The following KIAA1958 variants were observed in gnomAD, a reference collection of about 807,000 sequenced individuals.
The protein encoded by KIAA1958 is KIAA1958.
In KIAA1958, 14 loss-of-function variants were observed where a neutral mutation model predicts 47.2. The ratio of observed to expected loss-of-function variants is 0.30; its 90% CI spans 0.20 to 0.46. The LOEUF is 0.46. KIAA1958 is among the 20% of genes least tolerant of loss of function. The probability of loss-of-function intolerance (pLI) is 1.00; values close to 1 mark genes in which losing one functional copy is unlikely to be tolerated. For missense variants in KIAA1958, 803 were observed against 909.2 expected, an observed-to-expected ratio of 0.88 and a Z score of 1.50; for synonymous variants, 354 against 353.3, an observed-to-expected ratio of 1.00 and a Z score of -0.02.
chr9:112,517,502 CGTT>C (rs1366918115), intron 1 of KIAA1958, among the ~76,000 whole-genome samples: 2 of 152,006 alleles, frequency 1.3e-5, no homozygotes, highest in South Asian at 2.1e-4. Context: ...TGGAATAAAA[CGTT>C]GGAGAAAATC....
chr9:112,501,014 GGTGGGAGGCTGAA>G (rs1394812976), intron 1 of KIAA1958, among the ~76,000 whole-genome samples: 10 of 151,966 alleles, frequency 6.6e-5, no homozygotes, highest in Non-Finnish European at 1.5e-4. Flanking sequence ...GGGAGGCTGA[GGTGGGAGGCTGAA>G]GTGGGAGGAT....
intron 1 of KIAA1958, among the ~76,000 whole-genome samples, chr9:112,493,875 T>C (rs528053607): frequency 6.6e-6 from 1 of 152,386 alleles, no homozygotes; most frequent in Admixed American, 6.5e-5. Context: ...AAACTTTTTC[T>C]GTAAAAGACT....
chr9:112,665,890 G>A lies in KIAA1958; in HGVS notation c.*5821G>A, dbSNP rs867709623. The A allele has an allele frequency of 1.3e-5, 2 of 152,130 alleles. No individual in the cohort carries two copies. Among genetic ancestry groups the A allele is most frequent in the African/African-American group, 2.4e-5 (1 of 41,424 alleles). The allele number at this position is 152,130 out of a possible 1,614,324, so 9.4% of individuals were successfully genotyped here. A position where few individuals can be genotyped will look rare whatever the true frequency, so the allele number is the denominator to read the frequency against. On this transcript the variant is annotated 3_prime_UTR_variant, in exon 4 of 4. Transcript: ENST00000337530. ...AAAAGTAAAGGAGTTCCTAACTTAC[G>A]CAACAATTACATGCTCAGGTTTTTT...
At chr9:112,543,772 C>T (rs1476745282) in intron 1 of KIAA1958, among the ~76,000 whole-genome samples, 7 of 151,966 alleles carry the variant, frequency 4.6e-5, no homozygotes, top group African/African-American at 9.7e-5. Flanking sequence ...AGGGTTTCTC[C>T]GTGTTGGTCA....
intron 1 of KIAA1958, among the ~76,000 whole-genome samples, chr9:112,493,516 C>G (rs1241295719): frequency 6.6e-6 from 1 of 152,194 alleles, no homozygotes; most frequent in Non-Finnish European, 1.5e-5. Flanking sequence ...TAATCAAGCC[C>G]CTGGGTCAGT....
rs542506352 is a variant in KIAA1958 at position 112,658,009 on chromosome 9, A to G, written c.1345-1254A>G. On this transcript the variant is annotated intron_variant, in intron 3 of 3. Transcript: ENST00000337530. Reference sequence around the variant, plus strand: ...GTAGCTGGGACTACAGGCACACACAACCATGCCCAGCTAATTTTGTACTTT... The same window carrying G: ...GTAGCTGGGACTACAGGCACACACAGCCATGCCCAGCTAATTTTGTACTTT... Among the ~76,000 whole-genome samples, 29 of 151,954 alleles carry G rather than the reference A, an allele frequency of 1.9e-4. 2 individuals carry two copies. The South Asian group carries it at 5.0e-3, about 26-fold the overall frequency.
intron 2 of KIAA1958, chr9:112,619,253 G>C (rs962674314): frequency 1.3e-5 from 2 of 153,770 alleles, no homozygotes; most frequent in African/African-American, 4.8e-5. Flanking sequence ...AGTCATCCTA[G>C]ACTTAACATG....
At chr9:112,659,019 CAAAAAAAAAAAAAAA>C (rs560013892) in intron 3 of KIAA1958, among the ~76,000 whole-genome samples, 6 of 57,764 alleles carry the variant, frequency 1.0e-4, no homozygotes, top group African/African-American at 1.8e-4. Context: ...GACTCTGACT[CAAAAAAAAAAAAAAA>C]AAAAAAAAAA....
intron 2 of KIAA1958, among the ~76,000 whole-genome samples, chr9:112,637,334 A>G (rs374932306): frequency 2.0e-5 from 3 of 152,082 alleles, no homozygotes; most frequent in Non-Finnish European, 2.9e-5. Flanking sequence ...CTAACAATGA[A>G]TTTGCTCATT....
intron 2 of KIAA1958, among the ~76,000 whole-genome samples, chr9:112,623,080 G>A (rs786987): frequency 0.85 from 130,131 of 152,204 alleles, 55,870 homozygotes; most frequent in African/African-American, 0.91. Flanking sequence ...TGTGGAATAC[G>A]TAATTCTGCT....
intron 2 of KIAA1958, among the ~76,000 whole-genome samples, chr9:112,641,165 T>A (rs1836882499): frequency 6.6e-6 from 1 of 152,284 alleles, no homozygotes; most frequent in Non-Finnish European, 1.5e-5. Context: ...CCGGCAAATA[T>A]CTGTAACTAA....
intron 1 of KIAA1958, among the ~76,000 whole-genome samples, chr9:112,489,376 T>C (rs1482644931): frequency 6.6e-6 from 1 of 152,206 alleles, no homozygotes; most frequent in Admixed American, 6.5e-5. Context: ...GAGAATTGTT[T>C]TGGCAAAGTT....
chr9:112,605,563 A>G (rs141186149), intron 2 of KIAA1958, among the ~76,000 whole-genome samples: 28 of 152,316 alleles, frequency 1.8e-4, no homozygotes, highest in South Asian at 8.3e-4. Context: ...TAACAGAGCA[A>G]TGCAAATCTG....
rs756651490 is a variant in KIAA1958 at position 112,574,193 on chromosome 9, A to C, written c.113A>C (p.Glu38Ala). Residue 38 changes from glutamate (E) to alanine (A), a missense_variant, in exon 2 of 4, where the codon GAA (glutamate) becomes GCA (alanine). By Grantham distance (107) the Glu-to-Ala change is moderately radical (BLOSUM62 -1). Transcript: ENST00000337530. ...CCAAACCTGAAACACTTGCTTTCTG[A>C]AGGTTCCCATGGGAACCTGACAGCA... ...LIPNLKHLLS[E>A]GSHGNLTAMW... The C allele has an allele frequency of 6.2e-7, 1 of 1,613,942 alleles. No individual in the cohort carries two copies. Among genetic ancestry groups the C allele is most frequent in the Non-Finnish European group, 8.5e-7 (1 of 1,179,936 alleles).
At chr9:112,583,552 A>C (rs1328270001) in intron 2 of KIAA1958, among the ~76,000 whole-genome samples, 2 of 152,230 alleles carry the variant, frequency 1.3e-5, no homozygotes, top group Non-Finnish European at 2.9e-5. Context: ...TGATAACAGG[A>C]GAAAAAAATC....
At chr9:112,644,191 CA>C (rs930884086) in intron 2 of KIAA1958, among the ~76,000 whole-genome samples, 1 of 73,598 alleles carries the variant, frequency 1.4e-5, no homozygotes, top group African/African-American at 4.8e-5. Flanking sequence ...AACAAACAAA[CA>C]AACAAAAAAC....
At chr9:112,529,443 A>G (rs896594400) in intron 1 of KIAA1958, among the ~76,000 whole-genome samples, 9 of 152,188 alleles carry the variant, frequency 5.9e-5, no homozygotes, top group African/African-American at 1.7e-4. Flanking sequence ...ACCACGTTAC[A>G]TTTAGTCATC....
intron 1 of KIAA1958, among the ~76,000 whole-genome samples, chr9:112,489,474 GTT>G (rs5900004): frequency 1.4e-5 from 2 of 141,428 alleles, no homozygotes. Flanking sequence ...ATGTTTTTGT[GTT>G]TTTTTTTTTT....
In KIAA1958 at chr9:112,506,868, T is replaced by C. The variant is rs1834244101; in HGVS notation, c.-25+19750T>C. On this transcript the variant is annotated intron_variant, in intron 1 of 3. Coordinates refer to ENST00000337530, the MANE Select transcript of KIAA1958 (RefSeq NM_133465.4). ...TAATTCTGAATAGAACCTGAGATTG[T>C]GCTTAACTAGAAGTGTGGTAGTTTT... Among the ~76,000 whole-genome samples, 3 of 152,184 alleles carry C rather than the reference T, an allele frequency of 2.0e-5. No individual in the cohort carries two copies. In the South Asian group the frequency reaches 6.2e-4, roughly 31 times the overall value.
Sources: gnomAD v4.1 joint callset for allele counts (sites outside exome capture counted in the v4.1 genomes callset) on GRCh38, gnomAD v4.1.1 for gene constraint, MANE v1.5 for transcripts, NCBI Gene and HGNC (gene_info 2026-07-23, HGNC 2026-07-21) for gene names.